The following SLC6A3 variants were observed in gnomAD, a reference collection of about 807,000 sequenced individuals.
SLC6A3 encodes the protein sodium-dependent dopamine transporter.
In SLC6A3, 19 loss-of-function variants were observed where a neutral mutation model predicts 70.4. That is an observed-to-expected ratio of 0.27 (90% confidence interval 0.19 to 0.40). The LOEUF (loss-of-function observed/expected upper bound fraction) is 0.40. Among genes scored for constraint, SLC6A3 ranks in the 10% least tolerant of loss-of-function variants. The probability of loss-of-function intolerance (pLI) is 1.00; values close to 1 mark genes in which losing one functional copy is unlikely to be tolerated. For synonymous variants in SLC6A3, 368 were observed against 356.6 expected (o/e 1.03, Z -0.36); for missense variants, 613 against 838.5 (o/e 0.73, Z 3.32).
rs1441186272 is a variant in SLC6A3 at position 1,404,519 on chromosome 5, GC to G, written c.1600-1431del. ...AGGCCACAGTCTGCCCATGTAAGTT[GC>G]CTTTGCTCCGGCATAATTTCCCTTT... On this transcript the variant is annotated intron_variant, in intron 12 of 14. Transcript: ENST00000270349. The surrounding 1 kb of genome is among the most constrained non-coding windows in gnomAD (Gnocchi z 5.2). 1.3e-5 allele frequency among the ~76,000 whole-genome samples: 2 copies of G among 152,260 alleles called. No individual in the cohort carries two copies. The highest frequency in any genetic ancestry group is 4.8e-5 in the African/African-American group (2 of 41,466).
chr5:1,417,936 C>T (rs974541426), intron 6 of SLC6A3, among the ~76,000 whole-genome samples: 3 of 152,200 alleles, frequency 2.0e-5, no homozygotes, highest in Non-Finnish European at 4.4e-5. Context: ...GCAGAGGGGG[C>T]GGGGCCCTCT....
chr5:1,429,251 G>C (rs567324903), intron 4 of SLC6A3, among the ~76,000 whole-genome samples: 3 of 152,232 alleles, frequency 2.0e-5, no homozygotes, highest in Admixed American at 6.5e-5. Context: ...AGTCCCACTG[G>C]TGGGAAAATC....
Position 1,398,103 on chromosome 5 carries a change from G to A in SLC6A3, c.1839+2812C>T, listed in dbSNP as rs367940685. ...AGTCCGGGCACAGTGGCTTACGGCT[G>A]TAATCCCAGCACTCTGGGAGGCAGA... On this transcript the variant is annotated intron_variant, in intron 14 of 14. Transcript: ENST00000270349. Among the ~76,000 whole-genome samples the A allele has an allele frequency of 1.5e-3, 235 of 152,320 alleles. 8 individuals are homozygous for A. In the South Asian group the frequency reaches 0.047, roughly 31 times the overall value.
At chr5:1,395,475 C>G (rs1358310610) in intron 14 of SLC6A3, among the ~76,000 whole-genome samples, 2 of 152,266 alleles carry the variant, frequency 1.3e-5, no homozygotes, top group Non-Finnish European at 2.9e-5. Flanking sequence ...CATGGAAAGC[C>G]ACTGAAGCTA....
At position 1,404,214 on chromosome 5, in the gene SLC6A3, C is replaced by T. The variant is rs746289534; in HGVS notation, c.1600-1125G>A. On this transcript the variant is annotated intron_variant, in intron 12 of 14. Coordinates refer to ENST00000270349, the MANE Select transcript of SLC6A3 (RefSeq NM_001044.5). This position sits in a 1 kb window ranked among gnomAD's most constrained non-coding sequence, Gnocchi z 5.2. ...CACTTGTAGGTTTGGAGCCGGCTAG[C>T]GGAGGACTGGGATGGGGGCTGGGGT... Among the ~76,000 whole-genome samples the T allele has an allele frequency of 6.3e-4, 96 of 152,194 alleles. No homozygotes were observed. The highest frequency in any genetic ancestry group is 1.2e-3 in the Non-Finnish European group (79 of 68,030).
intron 4 of SLC6A3, among the ~76,000 whole-genome samples, chr5:1,430,054 G>A (rs549085469): frequency 4.6e-5 from 7 of 152,222 alleles, no homozygotes; most frequent in South Asian, 4.1e-4. Context: ...CTGCAGCTGC[G>A]CTTCCTATGG....
chr5:1,421,029 C>T lies in SLC6A3; in HGVS notation c.793-326G>A, dbSNP rs1756422956. On this transcript the variant is annotated intron_variant, in intron 5 of 14. Coordinates refer to ENST00000270349, the MANE Select transcript of SLC6A3 (RefSeq NM_001044.5). This position sits in a 1 kb window ranked among gnomAD's most constrained non-coding sequence, Gnocchi z 7.2. ...TGCGTGGGACGTGAGTGGATTCACA[C>T]TGGTGAACGGCACTGTGGCACGATG... 6.6e-6 allele frequency among the ~76,000 whole-genome samples: 1 copy of T among 152,206 alleles called. No individual in the cohort carries two copies. The highest frequency in any genetic ancestry group is 2.1e-4 in the South Asian group (1 of 4,830).
At chr5:1,424,976 G>GAGGGA (rs1560920180) in intron 4 of SLC6A3, among the ~76,000 whole-genome samples, 1 of 152,248 alleles carries the variant, frequency 6.6e-6, no homozygotes, top group African/African-American at 2.4e-5. Context: ...CCATGCTTCT[G>GAGGGA]AGGGCAGGGC....
At chr5:1,433,047 C>T (rs1756742305) in intron 3 of SLC6A3, among the ~76,000 whole-genome samples, 1 of 152,084 alleles carries the variant, frequency 6.6e-6, no homozygotes, top group African/African-American at 2.4e-5. Flanking sequence ...CCCCCAGGGA[C>T]ACCAAGGTCA....
chr5:1,423,604 A>G (rs1756513077), intron 4 of SLC6A3, among the ~76,000 whole-genome samples: 1 of 152,238 alleles, frequency 6.6e-6, no homozygotes, highest in African/African-American at 2.4e-5. Flanking sequence ...GATCCCTCAG[A>G]AAGGGCAGAA....
chr5:1,434,273 G>C (rs1270229066), intron 3 of SLC6A3, among the ~76,000 whole-genome samples: 1 of 152,202 alleles, frequency 6.6e-6, no homozygotes, highest in African/African-American at 2.4e-5. Flanking sequence ...CCAGAGCCTT[G>C]CATGACTATG....
chr5:1,409,143 C>G lies in SLC6A3; in HGVS notation c.1399-18G>C. 1 of 1,575,830 alleles carries G rather than the reference C, an allele frequency of 6.3e-7. No individual in the cohort carries two copies. Among genetic ancestry groups the G allele is most frequent in the Non-Finnish European group, 8.7e-7 (1 of 1,153,338 alleles). ...ATGCCACCCTGGAAGAGAGGGGAGC[C>G]TGTGGACCTACAGAAGGGCTTTCCC... On this transcript the variant is annotated intron_variant, in intron 10 of 14. Transcript: ENST00000270349.
intron 4 of SLC6A3, among the ~76,000 whole-genome samples, chr5:1,429,527 T>C (rs1756647142): frequency 6.6e-6 from 1 of 152,226 alleles, no homozygotes; most frequent in African/African-American, 2.4e-5. Context: ...TCTTTCCTTC[T>C]AGCATTCTTA....
chr5:1,406,062 C>G lies in SLC6A3; in HGVS notation c.1599+126G>C. The G allele has an allele frequency of 1.3e-6, 1 of 745,282 alleles. No homozygotes were observed. Among genetic ancestry groups the G allele is most frequent in the Non-Finnish European group, 2.4e-6 (1 of 408,234 alleles). 46.2% of individuals were successfully genotyped at this position (745,282 alleles called of 1,614,324 possible). A position where few individuals can be genotyped will look rare whatever the true frequency, so the allele number is the denominator to read the frequency against. Reference sequence around the variant, plus strand: ...CAGGGATCAGCCTGTCCTTCTGGGCCGAGTCTTGAGGCCCCTGACTCCAGC... The same window carrying G: ...CAGGGATCAGCCTGTCCTTCTGGGCGGAGTCTTGAGGCCCCTGACTCCAGC... On this transcript the variant is annotated intron_variant, in intron 12 of 14. Transcript: ENST00000270349. This position sits in a 1 kb window ranked among gnomAD's most constrained non-coding sequence, Gnocchi z 8.8.
chr5:1,422,316 A>G (rs1756456390), intron 4 of SLC6A3, among the ~76,000 whole-genome samples: 1 of 150,752 alleles, frequency 6.6e-6, no homozygotes, highest in African/African-American at 2.5e-5. Flanking sequence ...TTTGAAGAAA[A>G]GGAGCCACAG....
At chr5:1,418,426 A>C (rs981380866) in intron 6 of SLC6A3, among the ~76,000 whole-genome samples, 1 of 152,084 alleles carries the variant, frequency 6.6e-6, no homozygotes, top group Non-Finnish European at 1.5e-5. Context: ...ATCATCTATC[A>C]CTGTCATCTA....
intron 2 of SLC6A3, 92 bp from the exon 3 acceptor site, chr5:1,441,582 A>T: frequency 6.8e-7 from 1 of 1,467,612 alleles, no homozygotes; most frequent in Non-Finnish European, 9.3e-7. Context: ...TCAACCATCC[A>T]TGTCCTGGCC....
At position 1,397,283 on chromosome 5, in the gene SLC6A3, A is replaced by G. The variant is rs1436443724; in HGVS notation, c.1840-2525T>C. Among the ~76,000 whole-genome samples, 1 of 152,120 alleles carries G rather than the reference A, an allele frequency of 6.6e-6. No homozygotes were observed. Among genetic ancestry groups the G allele is most frequent in the African/African-American group, 2.4e-5 (1 of 41,408 alleles). On this transcript the variant is annotated intron_variant, in intron 14 of 14. Transcript: ENST00000270349. This position sits in a 1 kb window ranked among gnomAD's most constrained non-coding sequence, Gnocchi z 4.7. ...ATCCAGAGAGGAAAAATAAAAAGAA[A>G]CCAAATTAACGGTGGTGGGTGCCTG...
intron 3 of SLC6A3, among the ~76,000 whole-genome samples, chr5:1,434,845 G>A (rs1274216267): frequency 1.3e-5 from 2 of 152,164 alleles, no homozygotes; most frequent in African/African-American, 4.8e-5. Flanking sequence ...CCTCAGTAAA[G>A]TTCTCTTCCT....
Sources: gnomAD v4.1 joint callset for allele counts (sites outside exome capture counted in the v4.1 genomes callset) on GRCh38, gnomAD v4.1.1 for gene constraint, Gnocchi (gnomAD v3.1) non-coding constraint, MANE v1.5 for transcripts, NCBI Gene and HGNC (gene_info 2026-07-23, HGNC 2026-07-21) for gene names.